CD200: variants seen among roughly 807,000 people sequenced by gnomAD.
CD200 encodes OX-2 membrane glycoprotein.
CD200 carries 15 observed loss-of-function variants against 30.9 expected under a neutral mutation model. The observed-to-expected ratio is 0.49, with a 90% CI of 0.32 to 0.75. The LOEUF is 0.75. Among genes scored for constraint, CD200 ranks in the 30% least tolerant of loss-of-function variants. The probability of loss-of-function intolerance (pLI) is 0.03; values close to 1 mark genes in which losing one functional copy is unlikely to be tolerated. For missense variants in CD200, 262 were observed against 324.2 expected, an observed-to-expected ratio of 0.81 and a Z score of 1.47; for synonymous variants, 134 against 126.2, an observed-to-expected ratio of 1.06 and a Z score of -0.41.
intron 3 of CD200, among the ~76,000 whole-genome samples, chr3:112,346,216 CTT>C (rs1441631627): frequency 1.3e-5 from 2 of 152,096 alleles, no homozygotes; most frequent in Non-Finnish European, 2.9e-5. Flanking sequence ...TTCATTCTCT[CTT>C]TTTCTGTTTC....
intron 1 of CD200, chr3:112,334,400 C>G (rs1037534298): frequency 1.3e-5 from 3 of 222,266 alleles, no homozygotes; most frequent in Non-Finnish European, 2.3e-5. Flanking sequence ...ATGATTTGAT[C>G]GATTAATTTT....
At chr3:112,333,585 T>G in intron 1 of CD200, 2 of 985,282 alleles carry the variant, frequency 2.0e-6, no homozygotes, top group Non-Finnish European at 2.4e-6. Context: ...CTCCCAAAAC[T>G]GGGGAGGCAC....
At chr3:112,349,673 G>A in intron 4 of CD200, 39 bp from the exon 5 acceptor site, 1 of 1,552,906 alleles carries the variant, frequency 6.4e-7, no homozygotes, top group Non-Finnish European at 8.7e-7. Context: ...ATTTCCTCAT[G>A]TGATGTCATT....
At chr3:112,360,087 G>A (rs1262049444) in intron 5 of CD200, among the ~76,000 whole-genome samples, 1 of 152,136 alleles carries the variant, frequency 6.6e-6, no homozygotes, top group African/African-American at 2.4e-5. Context: ...CAGCACTTTG[G>A]GAGGCTGAGG....
chr3:112,350,759 T>C (rs555049793), intron 5 of CD200, among the ~76,000 whole-genome samples: 189 of 152,352 alleles, frequency 1.2e-3, no homozygotes, highest in African/African-American at 4.3e-3. Flanking sequence ...AGACTTTGAT[T>C]AAAAATCTCA....
chr3:112,335,939 A>G (rs1056174366), intron 1 of CD200: 2 of 1,606,004 alleles, frequency 1.2e-6, no homozygotes, highest in Non-Finnish European at 1.7e-6. Context: ...ATCTCAAACC[A>G]CAGACTCTGA....
intron 3 of CD200, among the ~76,000 whole-genome samples, chr3:112,346,661 C>T (rs2081402331): frequency 6.6e-6 from 1 of 152,228 alleles, no homozygotes; most frequent in Non-Finnish European, 1.5e-5. Flanking sequence ...TTCCCCAACC[C>T]AGTGTCTTCT....
chr3:112,340,533 G>A (rs974950102), intron 1 of CD200, among the ~76,000 whole-genome samples: 1 of 152,118 alleles, frequency 6.6e-6, no homozygotes, highest in Non-Finnish European at 1.5e-5. Context: ...GGATTTTTTG[G>A]GAAGTGGATG....
In CD200 at chr3:112,335,601, C is replaced by CTG. The variant is rs2081096487; in HGVS notation, c.12+2378_12+2379insGT. Among the ~76,000 whole-genome samples the CTG allele has an allele frequency of 3.9e-5, 6 of 152,270 alleles. No individual in the cohort carries two copies. The South Asian group carries it at 1.2e-3, about 32-fold the overall frequency. ...TGAGAGTCTAAGTGATTGGTTCTCT[C>CTG]TAGCTGAAGACAAGAAGACACTCAG... On this transcript the variant is annotated intron_variant, in intron 1 of 5. Coordinates refer to ENST00000315711, the MANE Select transcript of CD200 (RefSeq NM_005944.7).
At chr3:112,350,889 A>G (rs1559789225) in intron 5 of CD200, among the ~76,000 whole-genome samples, 1 of 152,158 alleles carries the variant, frequency 6.6e-6, no homozygotes, top group Non-Finnish European at 1.5e-5. Flanking sequence ...ATAATCCTCC[A>G]GATTAATTCT....
At chr3:112,338,097 C>G (rs780384170) in intron 1 of CD200, among the ~76,000 whole-genome samples, 7 of 152,210 alleles carry the variant, frequency 4.6e-5, no homozygotes, top group African/African-American at 1.4e-4. Flanking sequence ...ACCAACTATA[C>G]GGGCAAAAGT....
intron 1 of CD200, chr3:112,334,320 G>T: frequency 1.1e-6 from 1 of 871,486 alleles, no homozygotes; most frequent in African/African-American, 1.8e-5. Context: ...CCAGGTTTTT[G>T]TGAACCCTGG....
chr3:112,344,864 T>C, intron 2 of CD200, 98 bp from the exon 3 acceptor site: 1 of 940,990 alleles, frequency 1.1e-6, no homozygotes, highest in Non-Finnish European at 1.6e-6. Context: ...CTCTTTCTTT[T>C]CTATATTTGA....
intron 1 of CD200, among the ~76,000 whole-genome samples, chr3:112,336,795 C>T (rs2081128314): frequency 6.6e-6 from 1 of 151,864 alleles, no homozygotes; most frequent in Admixed American, 6.6e-5. Context: ...TCTTGGGGGG[C>T]AATGAGACAG....
At chr3:112,355,525 G>A (rs1486768578) in intron 5 of CD200, among the ~76,000 whole-genome samples, 1 of 152,114 alleles carries the variant, frequency 6.6e-6, no homozygotes, top group South Asian at 2.1e-4. Flanking sequence ...AGGGAACTGT[G>A]AAAGTTCAAA....
chr3:112,346,009 C>A (rs1050969616), intron 3 of CD200, among the ~76,000 whole-genome samples: 1 of 152,096 alleles, frequency 6.6e-6, no homozygotes, highest in Non-Finnish European at 1.5e-5. Context: ...GAGTAGAGGA[C>A]AAACTTATGG....
intron 1 of CD200, 113 bp downstream of exon 1, chr3:112,333,337 G>T: frequency 6.8e-7 from 1 of 1,465,966 alleles, no homozygotes; most frequent in African/African-American, 1.4e-5. Flanking sequence ...GCCACAATCT[G>T]GTCCGGGGAC....
rs2081222186 is a variant in CD200, at chr3:112,340,821, T to C, written c.13-81T>C. The C allele has an allele frequency of 5.3e-6, 5 of 947,194 alleles. No homozygotes were observed. The East Asian group carries it at 9.7e-5, about 18-fold the overall frequency. The allele number at this position is 947,194 out of a possible 1,614,324, so 58.7% of individuals were successfully genotyped here. On this transcript the variant is annotated intron_variant, in intron 1 of 5. Coordinates refer to ENST00000315711, the MANE Select transcript of CD200 (RefSeq NM_005944.7). ...GTAAAAACTTAGCTACAACATTCCC[T>C]GAAATAGCGATTAGATTGAAGCTTC... is the stretch of plus-strand genomic sequence containing the variant.
chr3:112,333,326 T>C (rs9883527), intron 1 of CD200, 102 bp downstream of exon 1: 1,475,972 of 1,483,146 alleles, frequency 1, 734,715 homozygotes, highest in East Asian at 1. Context: ...CTTCGGCTCT[T>C]GCCACAATCT....
Sources: gnomAD v4.1 joint callset for allele counts (sites outside exome capture counted in the v4.1 genomes callset) on GRCh38, gnomAD v4.1.1 for gene constraint, MANE v1.5 for transcripts, NCBI Gene and HGNC (gene_info 2026-07-23, HGNC 2026-07-21) for gene names.